CALN1: variants seen among roughly 807,000 people sequenced by gnomAD.
The protein encoded by CALN1 is calneuron 1.
CALN1 carries 17 observed loss-of-function variants against 30.6 expected under a neutral mutation model. The ratio of observed to expected loss-of-function variants is 0.56; its 90% CI spans 0.38 to 0.83. The LOEUF (loss-of-function observed/expected upper bound fraction) is 0.83. CALN1 is among the 40% of genes least tolerant of loss of function. The pLI, the probability that CALN1 is intolerant of heterozygous loss-of-function variation, is 0.00. For synonymous variants in CALN1, 156 were observed against 131.4 expected (o/e 1.19, Z -1.28); for missense variants, 291 against 354.9 (o/e 0.82, Z 1.45).
the CALN1 span, among the ~76,000 whole-genome samples, chr7:72,456,176 C>T: frequency 7.2e-6 from 1 of 138,894 alleles, no homozygotes; most frequent in African/African-American, 2.8e-5. Context: ...GAGCGACACT[C>T]AGTCTCAAAA....
intron 3 of CALN1, among the ~76,000 whole-genome samples, chr7:72,142,881 C>T (rs1810059215): frequency 6.6e-6 from 1 of 152,162 alleles, no homozygotes; most frequent in Non-Finnish European, 1.5e-5. Context: ...GAGTGGACCT[C>T]CAGCAAACTC....
chr7:72,369,552 G>A (rs1203048282), intron 2 of CALN1, among the ~76,000 whole-genome samples: 3 of 151,898 alleles, frequency 2.0e-5, no homozygotes, highest in African/African-American at 7.2e-5. Flanking sequence ...GTAGAGACGG[G>A]GTTTCTCCAT....
At chr7:72,323,985 G>A (rs894137473) in intron 2 of CALN1, among the ~76,000 whole-genome samples, 6 of 152,092 alleles carry the variant, frequency 3.9e-5, no homozygotes, top group African/African-American at 1.2e-4. Flanking sequence ...TTGAGGCTGT[G>A]CCACTGCACT....
intron 2 of CALN1, among the ~76,000 whole-genome samples, chr7:72,383,097 CT>C (rs1466431099): frequency 6.6e-6 from 1 of 152,152 alleles, no homozygotes; most frequent in Non-Finnish European, 1.5e-5. Flanking sequence ...GGATTTTGTT[CT>C]TTTTTATGGC....
Position 72,328,127 on chromosome 7 carries a change from T to C in CALN1, c.120-49317A>G, listed in dbSNP as rs539719859. Among the ~76,000 whole-genome samples, 4 of 146,496 alleles carry C rather than the reference T, an allele frequency of 2.7e-5. No individual in the cohort carries two copies. In the South Asian group the frequency reaches 8.6e-4, roughly 32 times the overall value. On this transcript the variant is annotated intron_variant, in intron 2 of 6. Coordinates refer to ENST00000395275, the MANE Select transcript of CALN1 (RefSeq NM_031468.4). ...TTAATTTCTTTTTTTAAAAAAAAAA[T>C]GTTTACTTTCATCGCTAAAAAATGT...
chr7:71,810,988 G>A (rs1192694098), intron 5 of CALN1, among the ~76,000 whole-genome samples: 3 of 149,456 alleles, frequency 2.0e-5, no homozygotes, highest in Admixed American at 6.8e-5. Flanking sequence ...CTCGCCTCCC[G>A]AGTTCAAGCG....
chr7:72,188,350 A>ATG (rs1309627774), intron 3 of CALN1, among the ~76,000 whole-genome samples: 1 of 152,206 alleles, frequency 6.6e-6, no homozygotes, highest in Non-Finnish European at 1.5e-5. Context: ...ACATATATAT[A>ATG]TGATGGAATA....
intron 1 of CALN1, among the ~76,000 whole-genome samples, chr7:72,407,802 GACAC>G (rs1484208374): frequency 6.6e-6 from 1 of 152,168 alleles, no homozygotes; most frequent in Non-Finnish European, 1.5e-5. Context: ...CGCTGGACTG[GACAC>G]AGGGCCGGAT....
chr7:72,432,975 G>A (rs1365061681), intron 1 of CALN1, among the ~76,000 whole-genome samples: 2 of 152,162 alleles, frequency 1.3e-5, no homozygotes, highest in Non-Finnish European at 2.9e-5. Flanking sequence ...AAAGAACAAG[G>A]CCATGGCTCT....
At chr7:72,286,323 C>T (rs1180160966) in intron 2 of CALN1, among the ~76,000 whole-genome samples, 2 of 152,150 alleles carry the variant, frequency 1.3e-5, no homozygotes, top group African/African-American at 4.8e-5. Context: ...TCTAGCTACT[C>T]ATGGATCATA....
chr7:72,253,817 T>G (rs1052042363), intron 3 of CALN1, among the ~76,000 whole-genome samples: 1 of 152,204 alleles, frequency 6.6e-6, no homozygotes, highest in Non-Finnish European at 1.5e-5. Flanking sequence ...CCCAGCTCAC[T>G]GCAACCTCCG....
intron 2 of CALN1, among the ~76,000 whole-genome samples, chr7:72,387,291 AG>A (rs1805283594): frequency 3.3e-5 from 3 of 90,180 alleles, no homozygotes; most frequent in African/African-American, 1.4e-4. Flanking sequence ...GGAGGGAGGG[AG>A]GGAGGGAGGG....
intron 5 of CALN1, among the ~76,000 whole-genome samples, chr7:71,982,236 C>T (rs533334685): frequency 5.9e-5 from 9 of 152,178 alleles, no homozygotes; most frequent in African/African-American, 1.4e-4. Context: ...ATGAAGGTGG[C>T]GGTGGCCACA....
At chr7:72,501,928 A>AAAAAAAAAG in the CALN1 span, among the ~76,000 whole-genome samples, 1 of 57,968 alleles carries the variant, frequency 1.7e-5, no homozygotes, top group Non-Finnish European at 3.1e-5. Flanking sequence ...AAAAAAAAAA[A>AAAAAAAAAG]ATATATATAT....
intron 3 of CALN1, among the ~76,000 whole-genome samples, chr7:72,164,366 A>G (rs200726995): frequency 0.033 from 2,970 of 90,284 alleles, 85 homozygotes; most frequent in East Asian, 0.11. Flanking sequence ...AAAAAAAAAA[A>G]AAGAAGAAGA....
At chr7:72,030,270 G>A (rs1206637743) in intron 4 of CALN1, among the ~76,000 whole-genome samples, 2 of 152,114 alleles carry the variant, frequency 1.3e-5, no homozygotes, top group African/African-American at 4.8e-5. Flanking sequence ...CCCATGGTTG[G>A]AGGAACAATC....
intron 3 of CALN1, among the ~76,000 whole-genome samples, chr7:72,220,836 G>A (rs1318800483): frequency 6.6e-6 from 1 of 152,192 alleles, no homozygotes; most frequent in East Asian, 1.9e-4. Context: ...CTGCATAAAT[G>A]TCTTCTTCTG....
At chr7:72,316,313 G>A (rs755856837) in intron 2 of CALN1, among the ~76,000 whole-genome samples, 1 of 151,598 alleles carries the variant, frequency 6.6e-6, no homozygotes, top group Non-Finnish European at 1.5e-5. Flanking sequence ...TATTAGGGTG[G>A]TGCAAAAGTA....
At chr7:72,311,081 G>A (rs946006466) in intron 2 of CALN1, among the ~76,000 whole-genome samples, 12 of 151,690 alleles carry the variant, frequency 7.9e-5, no homozygotes, top group South Asian at 2.1e-4. Flanking sequence ...CACCTCTTCC[G>A]ACTCTGCCAC....
Sources: allele counts gnomAD v4.1 joint callset (sites outside exome capture counted in the v4.1 genomes callset), GRCh38; gene constraint gnomAD v4.1.1; transcripts MANE v1.5; gene names NCBI Gene and HGNC (gene_info 2026-07-23, HGNC 2026-07-21).